Variants in SDK1 observed in about 807,000 individuals in gnomAD.
The protein encoded by SDK1 is sidekick cell adhesion molecule 1.
SDK1 carries 157 observed loss-of-function variants against 245.5 expected under a neutral mutation model. The observed-to-expected ratio is 0.64, with a 90% confidence interval of 0.56 to 0.73. SDK1 has a LOEUF of 0.73. Ranked by LOEUF, SDK1 falls within the 30% of genes least tolerant of loss-of-function variation. The probability of loss-of-function intolerance (pLI) is 0.00; values close to 1 mark genes in which losing one functional copy is unlikely to be tolerated. For synonymous variants in SDK1, 1,647 were observed against 1,278.5 expected (o/e 1.29, Z -6.15); for missense variants, 3,583 against 3,002.3 (o/e 1.19, Z -4.52).
At position 3,929,387 on chromosome 7, in the gene SDK1, T is replaced by A. The variant is rs535532217; in HGVS notation, c.848-21536T>A. Among the ~76,000 whole-genome samples the A allele has an allele frequency of 3.3e-5, 5 of 152,340 alleles. No homozygotes were observed. In the South Asian group the frequency reaches 1.0e-3, roughly 32 times the overall value. ...CTCACACCTGCCCATTTGGCGGGGT[T>A]GCTTATGTCTTTCTCACACCTTCTA... On this transcript the variant is annotated intron_variant, in intron 5 of 44. Transcript: ENST00000404826.
intron 1 of SDK1, among the ~76,000 whole-genome samples, chr7:3,452,903 A>T (rs895853693): frequency 6.6e-6 from 1 of 152,022 alleles, no homozygotes; most frequent in Non-Finnish European, 1.5e-5. Context: ...ATTTTTCACC[A>T]CAGAACATAC....
chr7:3,907,680 ACT>A (rs1439969976), intron 5 of SDK1, among the ~76,000 whole-genome samples: 1 of 152,184 alleles, frequency 6.6e-6, no homozygotes, highest in African/African-American at 2.4e-5. Context: ...TTTAAAACAG[ACT>A]CTTACCAAAA....
intron 4 of SDK1, among the ~76,000 whole-genome samples, chr7:3,764,631 G>A (rs368550362): frequency 1.2e-4 from 18 of 152,136 alleles, no homozygotes; most frequent in East Asian, 9.7e-4. Flanking sequence ...GCAGCGAGCA[G>A]GGATTGCGCC....
intron 1 of SDK1, among the ~76,000 whole-genome samples, chr7:3,392,366 G>C (rs760101951): frequency 6.6e-6 from 1 of 151,998 alleles, no homozygotes; most frequent in Admixed American, 6.6e-5. Context: ...TTGTCCAATT[G>C]TGGTGCCTTT....
chr7:3,440,714 CTAAGAT>C (rs1356925049), intron 1 of SDK1, among the ~76,000 whole-genome samples: 5 of 152,070 alleles, frequency 3.3e-5, no homozygotes, highest in Non-Finnish European at 7.4e-5. Flanking sequence ...GCTGAGGTTG[CTAAGAT>C]TAAGAACAAA....
chr7:3,345,843 C>T (rs117215824), intron 1 of SDK1, among the ~76,000 whole-genome samples: 2,650 of 152,248 alleles, frequency 0.017, 36 homozygotes, highest in Middle Eastern at 0.065. Flanking sequence ...CTTTATGATG[C>T]AGGTCACCCC....
intron 17 of SDK1, among the ~76,000 whole-genome samples, chr7:4,023,112 A>G (rs989303474): frequency 6.6e-6 from 1 of 151,922 alleles, no homozygotes; most frequent in East Asian, 1.9e-4. Context: ...GCTCAGATAT[A>G]TTTACAATGC....
chr7:4,168,454 C>T (rs1010633754), intron 32 of SDK1, among the ~76,000 whole-genome samples: 5 of 152,198 alleles, frequency 3.3e-5, no homozygotes, highest in African/African-American at 1.2e-4. Flanking sequence ...AATCTTCGGC[C>T]CCTTCCCCTC....
intron 13 of SDK1, among the ~76,000 whole-genome samples, chr7:3,984,890 G>C (rs1015045697): frequency 3.9e-5 from 6 of 152,200 alleles, no homozygotes; most frequent in African/African-American, 1.4e-4. Flanking sequence ...TGGTCTCTCT[G>C]TGCAGGCCAG....
intron 4 of SDK1, among the ~76,000 whole-genome samples, chr7:3,797,815 C>G (rs1779000255): frequency 6.6e-6 from 1 of 152,080 alleles, no homozygotes; most frequent in Non-Finnish European, 1.5e-5. Context: ...CTAGCTCTTC[C>G]TTTATTATAT....
At chr7:4,074,130 A>G (rs1199762673) in intron 20 of SDK1, among the ~76,000 whole-genome samples, 1 of 152,132 alleles carries the variant, frequency 6.6e-6, no homozygotes, top group African/African-American at 2.4e-5. Context: ...TTACGACCTA[A>G]GTAGCTGGGC....
chr7:3,745,305 T>C (rs1186627055), intron 4 of SDK1, among the ~76,000 whole-genome samples: 1 of 152,220 alleles, frequency 6.6e-6, no homozygotes, highest in East Asian at 1.9e-4. Flanking sequence ...ATGTCTAGGC[T>C]AAAATGAAGA....
At chr7:3,846,895 T>C (rs1780293028) in intron 5 of SDK1, among the ~76,000 whole-genome samples, 2 of 152,104 alleles carry the variant, frequency 1.3e-5, no homozygotes, top group African/African-American at 4.8e-5. Context: ...GCACTGGAAC[T>C]GCCCCCAGCA....
At position 3,751,568 on chromosome 7, in the gene SDK1, C is replaced by G. The variant is rs375069741; in HGVS notation, c.714-69882C>G. The stretch of plus-strand genomic sequence containing the variant: ...ATCCCGTCATTGCCCAGTAAGGATG[C>G]TTTTTACAGGCCTGGATCATGGTCA... On this transcript the variant is annotated intron_variant, in intron 4 of 44. Coordinates refer to ENST00000404826, the MANE Select transcript of SDK1 (RefSeq NM_152744.4). 1.2e-4 allele frequency among the ~76,000 whole-genome samples: 18 copies of G among 152,268 alleles called. No homozygotes were observed. The East Asian group carries it at 3.5e-3, about 29-fold the overall frequency.
intron 4 of SDK1, among the ~76,000 whole-genome samples, chr7:3,663,589 G>T (rs1426269280): frequency 2.6e-5 from 4 of 152,158 alleles, no homozygotes; most frequent in Non-Finnish European, 5.9e-5. Context: ...GAGGGGGACA[G>T]TGTGTGTGAC....
At chr7:3,638,669 G>A (rs906266079) in intron 2 of SDK1, among the ~76,000 whole-genome samples, 1 of 149,702 alleles carries the variant, frequency 6.7e-6, no homozygotes, top group African/African-American at 2.5e-5. Flanking sequence ...AGCATTAGGA[G>A]ATATACCTAA....
chr7:3,807,981 C>G (rs984953699), intron 4 of SDK1, among the ~76,000 whole-genome samples: 1 of 152,174 alleles, frequency 6.6e-6, no homozygotes, highest in South Asian at 2.1e-4. Flanking sequence ...CCCCATCTGA[C>G]CTGCGCATTG....
At chr7:3,414,416 G>T (rs920573867) in intron 1 of SDK1, among the ~76,000 whole-genome samples, 4 of 152,160 alleles carry the variant, frequency 2.6e-5, no homozygotes, top group Admixed American at 2.6e-4. Flanking sequence ...GTGGGGAGCA[G>T]AGCATCCAGC....
rs143613796 is a variant in SDK1, at chr7:3,354,702, A to G, written c.298+52818A>G. ...TATTGACTTTATAGGTCTTGGGTAG[A>G]TTATTTAAATAGCCCTGCTAGCTAA... On this transcript the variant is annotated intron_variant, in intron 1 of 44. Transcript: ENST00000404826. Among the ~76,000 whole-genome samples, 937 of 152,330 alleles carry G rather than the reference A, an allele frequency of 6.2e-3. 12 individuals carry two copies. Among genetic ancestry groups the G allele is most frequent in the African/African-American group, 0.021 (883 of 41,568 alleles).
Sources: allele counts gnomAD v4.1 joint callset (sites outside exome capture counted in the v4.1 genomes callset), GRCh38; gene constraint gnomAD v4.1.1; transcripts MANE v1.5; gene names NCBI Gene and HGNC (gene_info 2026-07-23, HGNC 2026-07-21).